WDR19: variants seen among roughly 807,000 people sequenced by gnomAD.
WDR19 encodes the protein WD repeat domain 19.
A neutral mutation model predicts 180.0 loss-of-function variants in WDR19; 121 were observed. The ratio of observed to expected loss-of-function variants is 0.67; its 90% CI spans 0.58 to 0.78. The LOEUF (loss-of-function observed/expected upper bound fraction) is 0.78. WDR19 is among the 30% of genes least tolerant of loss of function. WDR19 has a pLI of 0.00. For synonymous variants in WDR19, 497 were observed against 540.7 expected (o/e 0.92, Z 1.12); for missense variants, 1,450 against 1,640.7 (o/e 0.88, Z 2.01).
At chr4:39,198,385 C>A (rs548543025) in intron 5 of WDR19, among the ~76,000 whole-genome samples, 1 of 150,954 alleles carries the variant, frequency 6.6e-6, no homozygotes, top group Non-Finnish European at 1.5e-5. Context: ...GGTGAAACCC[C>A]ATCTCTACTA....
Position 39,269,986 on chromosome 4 carries a change from G to A in WDR19, c.3369G>A (p.Arg1123=), listed in dbSNP as rs775035034. ...CCACCTTTTTTCAAGGCAACTACCGGAATGCACACGATGTTCTCTTCAGTA... is the reference window on the plus strand; with the variant it reads ...CCACCTTTTTTCAAGGCAACTACCGAAATGCACACGATGTTCTCTTCAGTA... ...AREEQSAGNY[R]NAHDVLFSMY... Residue 1123 remains arginine, a synonymous_variant, in exon 31 of 37, where the codon CGG becomes CGA. Transcript: ENST00000399820. 18 of 1,613,730 alleles carry A rather than the reference G, an allele frequency of 1.1e-5. No homozygotes were observed. In the South Asian group the frequency reaches 2.0e-4, roughly 18 times the overall value.
intron 7 of WDR19, among the ~76,000 whole-genome samples, chr4:39,204,757 A>G (rs1385495289): frequency 6.6e-6 from 1 of 152,208 alleles, no homozygotes; most frequent in Non-Finnish European, 1.5e-5. Context: ...AGGAGTGTGG[A>G]CCTATAATCC....
In WDR19 at chr4:39,216,178, A is replaced by G. The variant is rs1330372193; in HGVS notation, c.1217A>G (p.Asn406Ser). The change falls in exon 12 of 37, where the codon AAT (asparagine) becomes AGT (serine). Residue 406 changes from asparagine to serine, a missense_variant. Asn to Ser is a conservative substitution (Grantham distance 46). Transcript: ENST00000399820. ...GLYHLAVGMN[N>S]RAWFYVLGEN... ...TATCATCTGGCTGTAGGAATGAATA[A>G]TCGAGCTTGGTTTTATGTCCTTGGA... is the stretch of plus-strand genomic sequence containing the variant. 1.3e-6 allele frequency: 2 copies of G among 1,582,928 alleles called. No homozygotes were observed. Among genetic ancestry groups the G allele is most frequent in the African/African-American group, 1.3e-5 (1 of 74,306 alleles).
At chr4:39,268,261 A>C (rs1735006638) in intron 30 of WDR19, among the ~76,000 whole-genome samples, 170 bp downstream of exon 30, 1 of 152,178 alleles carries the variant, frequency 6.6e-6, no homozygotes, top group African/African-American at 2.4e-5. Context: ...TAAACAATGT[A>C]CTATCCCAGG....
chr4:39,283,785 T>G (rs1736836623), intron 36 of WDR19, among the ~76,000 whole-genome samples: 1 of 152,222 alleles, frequency 6.6e-6, no homozygotes, highest in African/African-American at 2.4e-5. Context: ...CATATGGTAT[T>G]ATTTCCTTTC....
chr4:39,209,809 G>C (rs762934081), intron 9 of WDR19, among the ~76,000 whole-genome samples: 9 of 150,892 alleles, frequency 6.0e-5, no homozygotes, highest in African/African-American at 9.7e-5. Context: ...TAAGAGAATA[G>C]ACACAACAAA....
intron 28 of WDR19, among the ~76,000 whole-genome samples, chr4:39,263,334 A>G (rs1249068737): frequency 2.6e-5 from 4 of 152,030 alleles, no homozygotes; most frequent in African/African-American, 7.3e-5. Context: ...ACCCTACTCC[A>G]TGTTACGGTC....
At chr4:39,247,655 C>A (rs1046185260) in intron 24 of WDR19, among the ~76,000 whole-genome samples, 3 of 152,118 alleles carry the variant, frequency 2.0e-5, no homozygotes, top group African/African-American at 7.2e-5. Flanking sequence ...CAGAGAAGTC[C>A]TTAAAGGACC....
At position 39,224,991 on chromosome 4, in the gene WDR19, A is replaced by G. The variant is rs1730098520; in HGVS notation, c.1587A>G (p.Leu529=). The stretch of plus-strand genomic sequence containing the variant: ...TTCCCGACCCAAATGGGACCAGATT[A>G]GTTTTCATTGATGAAAAAAGTGATG... The part of the protein sequence containing the change: ...KIFPDPNGTR[L]VFIDEKSDGF... Residue 529 remains leucine, a synonymous_variant, in exon 15 of 37, where the codon TTA becomes TTG. Transcript: ENST00000399820. 2 of 1,571,536 alleles carry G rather than the reference A, an allele frequency of 1.3e-6. No homozygotes were observed. Among genetic ancestry groups the G allele is most frequent in the Non-Finnish European group, 1.7e-6 (2 of 1,159,266 alleles).
At chr4:39,189,577 C>A in intron 3 of WDR19, 79 bp from the exon 4 acceptor site, 1 of 1,290,108 alleles carries the variant, frequency 7.8e-7, no homozygotes, top group Non-Finnish European at 1.0e-6. Flanking sequence ...ATTGAATAAT[C>A]TTGTTATAGA....
At chr4:39,243,240 T>C (rs1732153080) in intron 21 of WDR19, among the ~76,000 whole-genome samples, 1 of 152,244 alleles carries the variant, frequency 6.6e-6, no homozygotes, top group Non-Finnish European at 1.5e-5. Context: ...TTGACATGGC[T>C]AAATTGCTGT....
At chr4:39,192,701 A>T (rs1726293509) in intron 4 of WDR19, among the ~76,000 whole-genome samples, 1 of 152,114 alleles carries the variant, frequency 6.6e-6, no homozygotes, top group African/African-American at 2.4e-5. Flanking sequence ...ACCTCAGATG[A>T]TCTGCCCACC....
chr4:39,241,595 G>A (rs1230520636), intron 21 of WDR19, among the ~76,000 whole-genome samples: 1 of 151,496 alleles, frequency 6.6e-6, no homozygotes, highest in African/African-American at 2.4e-5. Context: ...TTTAGGTCAG[G>A]AGACCAGTCT....
At chr4:39,273,399 C>T (rs959799859) in intron 32 of WDR19, 19 of 279,160 alleles carry the variant, frequency 6.8e-5, no homozygotes, top group Middle Eastern at 1.0e-3. Context: ...ACGCAAGTTC[C>T]GTAACTCCTC....
At chr4:39,283,295 C>G (rs529781521) in intron 36 of WDR19, among the ~76,000 whole-genome samples, 1 of 152,156 alleles carries the variant, frequency 6.6e-6, no homozygotes. Context: ...CTCACTTGAT[C>G]ATGATGTATT....
intron 4 of WDR19, among the ~76,000 whole-genome samples, chr4:39,192,863 C>T (rs1726310986): frequency 6.6e-6 from 1 of 152,152 alleles, no homozygotes; most frequent in Non-Finnish European, 1.5e-5. Context: ...CAGGAATGGG[C>T]CCAGCAGTTA....
In WDR19 at chr4:39,205,163, G is replaced by T; in HGVS notation, c.613G>T (p.Val205Leu). 6.3e-7 allele frequency: 1 copy of T among 1,584,358 alleles called. No homozygotes were observed. Among genetic ancestry groups the T allele is most frequent in the Non-Finnish European group, 8.6e-7 (1 of 1,163,886 alleles). Residue 205 changes from valine (V) to leucine (L), a missense_variant, in exon 8 of 37, where the codon GTG becomes TTG. Coordinates refer to ENST00000399820, the MANE Select transcript of WDR19 (RefSeq NM_025132.4). ...TAATCTTTTCTGGCAGATAAGTGTGGTGCTTGGCAAGAAAACTTTGTTTTT... is the reference window on the plus strand; with the variant it reads ...TAATCTTTTCTGGCAGATAAGTGTGTTGCTTGGCAAGAAAACTTTGTTTTT... ...TSAAESMISV[V>L]LGKKTLFFLN...
chr4:39,242,287 C>T (rs1184697322), intron 21 of WDR19, among the ~76,000 whole-genome samples: 1 of 151,802 alleles, frequency 6.6e-6, no homozygotes, highest in East Asian at 1.9e-4. Flanking sequence ...ATTTTTGTCT[C>T]ACTTTCTTTC....
intron 24 of WDR19, among the ~76,000 whole-genome samples, chr4:39,247,368 CA>C (rs1167296997): frequency 2.0e-5 from 3 of 152,120 alleles, no homozygotes; most frequent in African/African-American, 4.8e-5. Context: ...TCACCATCAT[CA>C]AAGACCAAAG....
Sources: gnomAD v4.1 joint callset for allele counts (sites outside exome capture counted in the v4.1 genomes callset) on GRCh38, gnomAD v4.1.1 for gene constraint, MANE v1.5 for transcripts, NCBI Gene and HGNC (gene_info 2026-07-23, HGNC 2026-07-21) for gene names.